The following SLC16A9 variants were observed in gnomAD, a reference collection of about 807,000 sequenced individuals.
SLC16A9 encodes the protein solute carrier family 16 member 9, also known as monocarboxylate transporter 9.
SLC16A9 carries 26 observed loss-of-function variants against 44.3 expected under a neutral mutation model. That is an observed-to-expected ratio of 0.59 (90% CI 0.43 to 0.81). The LOEUF (loss-of-function observed/expected upper bound fraction) is 0.81, where lower values mean the gene tolerates loss of function less well. Among genes scored for constraint, SLC16A9 ranks in the 40% least tolerant of loss-of-function variants. The pLI, the probability that SLC16A9 is intolerant of heterozygous loss-of-function variation, is 0.00. For synonymous variants in SLC16A9, 230 were observed against 225.1 expected (o/e 1.02, Z -0.19); for missense variants, 559 against 595.8 (o/e 0.94, Z 0.64).
At chr10:59,699,004 G>A (rs1012304094) in intron 1 of SLC16A9, among the ~76,000 whole-genome samples, 2 of 152,000 alleles carry the variant, frequency 1.3e-5, no homozygotes, top group African/African-American at 4.8e-5. Flanking sequence ...TCAGCCTCCC[G>A]AAGTGCTGGG....
chr10:59,704,765 G>A (rs1840602175), intron 1 of SLC16A9, among the ~76,000 whole-genome samples: 1 of 152,218 alleles, frequency 6.6e-6, no homozygotes, highest in Admixed American at 6.5e-5. Context: ...CTTGGCCTGA[G>A]AATAGTGTTC....
chr10:59,708,617 T>C (rs1193207896), intron 1 of SLC16A9: 2 of 152,204 alleles, frequency 1.3e-5, no homozygotes, highest in African/African-American at 4.8e-5. Flanking sequence ...ATATAAGTAA[T>C]ATATTTAGCG....
chr10:59,676,631 T>C (rs1285825101), intron 2 of SLC16A9, among the ~76,000 whole-genome samples: 1 of 152,010 alleles, frequency 6.6e-6, no homozygotes, highest in Non-Finnish European at 1.5e-5. Flanking sequence ...ACTTTAAAAA[T>C]ATAATAACTG....
At chr10:59,668,024 C>G (rs896745077) in intron 3 of SLC16A9, among the ~76,000 whole-genome samples, 2 of 151,946 alleles carry the variant, frequency 1.3e-5, no homozygotes, top group African/African-American at 2.4e-5. Flanking sequence ...CCTAAATTAT[C>G]AACCTCACTC....
chr10:59,660,331 T>G (rs1357015173), intron 4 of SLC16A9, among the ~76,000 whole-genome samples: 2 of 152,030 alleles, frequency 1.3e-5, no homozygotes. Context: ...TCACCACTGA[T>G]CACACAGAAA....
intron 1 of SLC16A9, among the ~76,000 whole-genome samples, chr10:59,707,130 A>G (rs960796528): frequency 3.3e-5 from 5 of 151,192 alleles, no homozygotes; most frequent in African/African-American, 1.2e-4. Flanking sequence ...ACACGCTTGT[A>G]GTCCCAGCTA....
intron 3 of SLC16A9, among the ~76,000 whole-genome samples, chr10:59,667,825 A>T (rs552382328): frequency 6.6e-6 from 1 of 152,354 alleles, no homozygotes; most frequent in African/African-American, 2.4e-5. Context: ...CATTCACAGC[A>T]TCAGTATTAG....
At chr10:59,702,684 C>G (rs1840551104) in intron 1 of SLC16A9, among the ~76,000 whole-genome samples, 1 of 152,216 alleles carries the variant, frequency 6.6e-6, no homozygotes. Context: ...CCAAGAAACT[C>G]AGCTTTAAAA....
In SLC16A9 at chr10:59,681,458, GTATGTGTATGTATATGTATATGTA is replaced by G. The variant is rs1554871417; in HGVS notation, c.196+2614_196+2637del. Reference sequence around the variant, plus strand: ...ATGATGTATATGTATATGTGTATGTGTATGTGTATGTATATGTATATGTATATGTATATGTATATGTATATGTAT... The same window carrying G: ...ATGATGTATATGTATATGTGTATGTGTATGTATATGTATATGTATATGTAT... On this transcript the variant is annotated intron_variant, in intron 2 of 5. Coordinates refer to ENST00000395348, the MANE Select transcript of SLC16A9 (RefSeq NM_194298.3). Among the ~76,000 whole-genome samples, 47 of 2,732 alleles carry G rather than the reference GTATGTGTATGTATATGTATATGTA, an allele frequency of 0.017. 8 individuals carry two copies. In the East Asian group the frequency reaches 0.5, roughly 29 times the overall value. 1.8% of individuals were successfully genotyped at this position (2,732 alleles called of 152,430 possible).
At chr10:59,660,541 C>T (rs948164427) in intron 4 of SLC16A9, among the ~76,000 whole-genome samples, 1 of 152,262 alleles carries the variant, frequency 6.6e-6, no homozygotes, top group South Asian at 2.1e-4. Flanking sequence ...TGCCCATGAC[C>T]AGGCGGATTC....
intron 1 of SLC16A9, among the ~76,000 whole-genome samples, chr10:59,688,373 C>T (rs757136630): frequency 3.9e-5 from 6 of 152,128 alleles, no homozygotes; most frequent in Non-Finnish European, 8.8e-5. Context: ...CATGTCACCA[C>T]GTGCATAAGT....
chr10:59,681,079 A>T (rs1839975448), intron 2 of SLC16A9, among the ~76,000 whole-genome samples: 1 of 152,144 alleles, frequency 6.6e-6, no homozygotes, highest in African/African-American at 2.4e-5. Flanking sequence ...ACGCAATTAT[A>T]TGCTGAAATG....
Position 59,664,318 on chromosome 10 carries a change from A to G in SLC16A9, c.345T>C (p.Leu115=). The change falls in exon 4 of 6, where the codon CTT becomes CTC. Residue 115 remains leucine, a synonymous_variant. Coordinates refer to ENST00000395348, the MANE Select transcript of SLC16A9 (RefSeq NM_194298.3). ...TTGCAGTGTATAATAAACCACATCC[A>G]AGACCTAAGCATGAGAAGACATTGC... ...LFFSYGIVVG[L]GCGLLYTATV... The G allele has an allele frequency of 6.2e-7, 1 of 1,607,552 alleles. No homozygotes were observed. Among genetic ancestry groups the G allele is most frequent in the South Asian group, 1.1e-5 (1 of 90,154 alleles).
intron 3 of SLC16A9, among the ~76,000 whole-genome samples, chr10:59,665,202 G>A (rs554833186): frequency 2.0e-4 from 31 of 152,036 alleles, no homozygotes; most frequent in Admixed American, 1.0e-3. Context: ...ATAATTCTCC[G>A]TTGGCCCTCA....
At chr10:59,662,304 A>C (rs553165682) in intron 4 of SLC16A9, among the ~76,000 whole-genome samples, 16 of 151,748 alleles carry the variant, frequency 1.1e-4, no homozygotes, top group Admixed American at 7.2e-4. Flanking sequence ...AAAAAAACCC[A>C]TCAAAAAGTG....
At chr10:59,666,059 G>A (rs181919408) in intron 3 of SLC16A9, among the ~76,000 whole-genome samples, 1 of 152,190 alleles carries the variant, frequency 6.6e-6, no homozygotes, top group East Asian at 1.9e-4. Flanking sequence ...AGTTTGGGAG[G>A]CCGAGGTGGG....
chr10:59,658,356 AG>A (rs34647960), intron 4 of SLC16A9, among the ~76,000 whole-genome samples: 122,907 of 151,966 alleles, frequency 0.81, 53,155 homozygotes, highest in Non-Finnish European at 0.95. Context: ...ACTCTGTCAC[AG>A]GCCATTTGTT....
At chr10:59,672,258 T>C (rs1450329697) in intron 3 of SLC16A9, among the ~76,000 whole-genome samples, 1 of 152,200 alleles carries the variant, frequency 6.6e-6, no homozygotes, top group Non-Finnish European at 1.5e-5. Flanking sequence ...TCTTCACTCA[T>C]GTCTTATCTC....
At position 59,684,257 on chromosome 10, in the gene SLC16A9, C is replaced by T. The variant is rs757843441; in HGVS notation, c.35G>A (p.Gly12Asp). ...GAAGGAGACAAACACAATCACCCAG[C>T]CCCATCCACCGTCAGGCGACTTTTT... Reference protein sequence around the residue: ...ELKKSPDGGWGWVIVFVSFLT... With the variant: ...ELKKSPDGGWDWVIVFVSFLT... The change falls in exon 2 of 6, where the codon GGC becomes GAC. Residue 12 changes from glycine to aspartate, a missense_variant. Gly to Asp is a moderately conservative substitution (Grantham distance 94, BLOSUM62 -1). Transcript: ENST00000395348. The T allele has an allele frequency of 6.2e-7, 1 of 1,613,674 alleles. No homozygotes were observed. The highest frequency in any genetic ancestry group is 8.5e-7 in the Non-Finnish European group (1 of 1,179,872).
Sources: gnomAD v4.1 joint callset for allele counts (sites outside exome capture counted in the v4.1 genomes callset) on GRCh38, gnomAD v4.1.1 for gene constraint, MANE v1.5 for transcripts, NCBI Gene and HGNC (gene_info 2026-07-23, HGNC 2026-07-21) for gene names.